The following STARD9 variants were observed in gnomAD, a reference collection of about 807,000 sequenced individuals.
STARD9 encodes the protein stAR-related lipid transfer protein 9.
In STARD9, 346 loss-of-function variants were observed where a neutral mutation model predicts 399.8. The ratio of observed to expected loss-of-function variants is 0.87; its 90% CI spans 0.79 to 0.95. The LOEUF (loss-of-function observed/expected upper bound fraction) is 0.95, where lower values mean the gene tolerates loss of function less well. Among genes scored for constraint, STARD9 ranks in the 40% least tolerant of loss-of-function variants. The probability of loss-of-function intolerance (pLI) is 0.00; values close to 1 mark genes in which losing one functional copy is unlikely to be tolerated. For synonymous variants in STARD9, 2,203 were observed against 2,143.5 expected (o/e 1.03, Z -0.77); for missense variants, 5,832 against 5,667.5 (o/e 1.03, Z -0.93).
At chr15:42,633,791 C>T (rs775817739) in intron 3 of STARD9, among the ~76,000 whole-genome samples, 1 of 151,678 alleles carries the variant, frequency 6.6e-6, no homozygotes, top group African/African-American at 2.4e-5. Context: ...TATAGGTGCC[C>T]GCCACCATGC....
chr15:42,682,477 T>A lies in STARD9; in HGVS notation c.2439T>A (p.Asp813Glu), dbSNP rs904674463. ...QEPPYQVLSP[D>E]ATVPRPPCRS... ...CCCCATACCAGGTCCTCAGCCCTGA[T>A]GCCACAGTCCCACGGCCTCCATGTA... The change falls in exon 22 of 33, where the codon GAT (aspartate) becomes GAA (glutamate). Residue 813 changes from aspartate (D) to glutamate (E), a missense_variant. Transcript: ENST00000290607. The A allele has an allele frequency of 1.3e-6, 2 of 1,537,218 alleles. No homozygotes were observed. Among genetic ancestry groups the A allele is most frequent in the Non-Finnish European group, 1.7e-6 (2 of 1,146,894 alleles).
rs552902335 is a variant in STARD9, at chr15:42,687,329, G to A, written c.5751G>A (p.Glu1917=). The A allele has an allele frequency of 2.5e-5, 39 of 1,536,752 alleles. No individual in the cohort carries two copies. In the African/African-American group the frequency reaches 4.8e-4, roughly 19 times the overall value. The change falls in exon 23 of 33, where the codon GAG becomes GAA. Residue 1917 remains glutamate, a synonymous_variant. Coordinates refer to ENST00000290607, the MANE Select transcript of STARD9 (RefSeq NM_020759.3). ...SLLFRESEAR[E]EEELDQNTVL... ...TCTTTCGTGAATCTGAGGCACGAGA[G>A]GAAGAAGAGCTGGATCAGAATACGG...
intron 3 of STARD9, among the ~76,000 whole-genome samples, chr15:42,598,161 A>T (rs922586106): frequency 2.6e-5 from 4 of 151,566 alleles, no homozygotes; most frequent in Non-Finnish European, 4.4e-5. Context: ...CCTCCTGGGT[A>T]GCTGGGACTA....
Position 42,663,270 on chromosome 15 carries a change from C to T in STARD9, c.869-11C>T, listed in dbSNP as rs1238378094. 4.6e-6 allele frequency: 7 copies of T among 1,506,968 alleles called. No homozygotes were observed. Among genetic ancestry groups the T allele is most frequent in the African/African-American group, 1.4e-5 (1 of 71,488 alleles). 93.3% of individuals were successfully genotyped at this position (1,506,968 alleles called of 1,614,324 possible). A position where few individuals can be genotyped will look rare whatever the true frequency, so the allele number is the denominator to read the frequency against. On this transcript the variant is annotated splice_polypyrimidine_tract_variant and intron_variant, in intron 11 of 32. Coordinates refer to ENST00000290607, the MANE Select transcript of STARD9 (RefSeq NM_020759.3). ...CCTTCTTTCTTCCATTTTCTTTTTT[C>T]ATCTTTTAAGCCCAGAACTCCCAAG...
In STARD9 at chr15:42,694,655, G is replaced by A; in HGVS notation, c.12892G>A (p.Asp4298Asn). Residue 4298 changes from aspartate (D) to asparagine (N), a missense_variant, in exon 24 of 33, where the codon GAT (aspartate) becomes AAT (asparagine). Transcript: ENST00000290607. The stretch of plus-strand genomic sequence containing the variant: ...GCCCAACAAAGATCTCTTCATCTGG[G>A]ATCTTGACTTGCCCAGCAGACGCCG... ...LLPNKDLFIW[D>N]LDLPSRRREY... 6.5e-7 allele frequency: 1 copy of A among 1,537,206 alleles called. No individual in the cohort carries two copies. Among genetic ancestry groups the A allele is most frequent in the Non-Finnish European group, 8.7e-7 (1 of 1,146,906 alleles).
At position 42,639,915 on chromosome 15, in the gene STARD9, G is replaced by C. The variant is rs146134970; in HGVS notation, c.559+1103G>C. ...TTTATGTTCCTGTAGCAGTATGCTAGTTTATTTTTTATTTTTATTTTTTTA... is the reference window on the plus strand; with the variant it reads ...TTTATGTTCCTGTAGCAGTATGCTACTTTATTTTTTATTTTTATTTTTTTA... On this transcript the variant is annotated intron_variant, in intron 7 of 32. Transcript: ENST00000290607. 9.0e-3 allele frequency among the ~76,000 whole-genome samples: 1,370 copies of C among 152,030 alleles called. 21 individuals are homozygous for C. Among genetic ancestry groups the C allele is most frequent in the African/African-American group, 0.031 (1,302 of 41,462 alleles).
intron 3 of STARD9, among the ~76,000 whole-genome samples, chr15:42,610,025 G>A (rs980829907): frequency 3.9e-5 from 6 of 152,058 alleles, no homozygotes; most frequent in African/African-American, 1.4e-4. Context: ...CGCAGGAGGT[G>A]GAGGTTGCAG....
intron 3 of STARD9, among the ~76,000 whole-genome samples, chr15:42,599,080 T>C (rs183580304): frequency 0.022 from 3,284 of 152,188 alleles, 134 homozygotes; most frequent in African/African-American, 0.076. Flanking sequence ...CCCACCACCA[T>C]GCCTGGCTAA....
intron 3 of STARD9, among the ~76,000 whole-genome samples, chr15:42,600,911 G>C (rs545599274): frequency 1.3e-5 from 2 of 148,464 alleles, no homozygotes; most frequent in African/African-American, 5.0e-5. Context: ...GGTGTTTCTC[G>C]GAGAGGGGGA....
In STARD9 at chr15:42,686,267, G is replaced by A. The variant is rs1207979179; in HGVS notation, c.4689G>A (p.Gln1563=). The A allele has an allele frequency of 2.6e-6, 4 of 1,537,580 alleles. No homozygotes were observed. Among genetic ancestry groups the A allele is most frequent in the Admixed American group, 2.0e-5 (1 of 50,982 alleles). The change falls in exon 23 of 33, where the codon CAG becomes CAA. Residue 1563 remains glutamine (Q), a synonymous_variant. Transcript: ENST00000290607. ...RIRRLRAEKE[Q]DSLNAKLEGV... is the part of the protein sequence containing the mutation. ...GGCGTTTGAGGGCAGAGAAAGAACAGGACAGTTTAAATGCCAAATTAGAAG... is the reference window on the plus strand; with the variant it reads ...GGCGTTTGAGGGCAGAGAAAGAACAAGACAGTTTAAATGCCAAATTAGAAG...
chr15:42,618,602 T>A (rs2059020180), intron 3 of STARD9, among the ~76,000 whole-genome samples: 2 of 151,942 alleles, frequency 1.3e-5, no homozygotes, highest in Admixed American at 6.6e-5. Context: ...TATTTTTATT[T>A]TTTATTTATT....
intron 8 of STARD9, 142 bp from the exon 9 acceptor site, chr15:42,652,378 A>G (rs2059779853): frequency 1.4e-6 from 1 of 702,260 alleles, no homozygotes; most frequent in African/African-American, 1.8e-5. Flanking sequence ...TATTCTCTTC[A>G]CGATACTGGA....
intron 26 of STARD9, among the ~76,000 whole-genome samples, chr15:42,710,969 CTT>C (rs1170742160): frequency 6.9e-6 from 1 of 144,482 alleles, no homozygotes. Flanking sequence ...ACATAGCCTT[CTT>C]TTTTTTTTTT....
At chr15:42,667,774 C>T (rs1001054537) in intron 15 of STARD9, among the ~76,000 whole-genome samples, 8 of 152,178 alleles carry the variant, frequency 5.3e-5, no homozygotes, top group African/African-American at 1.2e-4. Context: ...CCACCACACC[C>T]GGCAGACAGG....
At chr15:42,627,298 A>G (rs1279922339) in intron 3 of STARD9, among the ~76,000 whole-genome samples, 2 of 152,278 alleles carry the variant, frequency 1.3e-5, no homozygotes, top group South Asian at 2.1e-4. Flanking sequence ...CTTGTTTCAG[A>G]AAAAGAAAAA....
rs1302118921 is a variant in STARD9 at position 42,693,882 on chromosome 15, T to G, written c.12304T>G (p.Ser4102Ala). 1 of 1,533,696 alleles carries G rather than the reference T, an allele frequency of 6.5e-7. No homozygotes were observed. Among genetic ancestry groups the G allele is most frequent in the Non-Finnish European group, 8.7e-7 (1 of 1,144,616 alleles). The change falls in exon 23 of 33, where the codon TCT (serine) becomes GCT (alanine). Residue 4102 changes from serine (S) to alanine (A), a missense_variant. Physicochemically the swap from Ser to Ala is moderately conservative, Grantham distance 99. Transcript: ENST00000290607. ...GACTGATACTGCAGGGCTCCGAGGT[T>G]CTGCCTTGGGCCTCCCTCAGGCCTG... ...ELTDTAGLRG[S>A]ALGLPQACQP...
In STARD9 at chr15:42,684,898, A is replaced by G; in HGVS notation, c.3320A>G (p.Tyr1107Cys). 1 of 1,537,024 alleles carries G rather than the reference A, an allele frequency of 6.5e-7. No homozygotes were observed. Among genetic ancestry groups the G allele is most frequent in the Non-Finnish European group, 8.7e-7 (1 of 1,146,914 alleles). Residue 1107 changes from tyrosine (Y) to cysteine (C), a missense_variant, in exon 23 of 33, where the codon TAC becomes TGC. Coordinates refer to ENST00000290607, the MANE Select transcript of STARD9 (RefSeq NM_020759.3). ...DNDLSDTDSN[Y>C]SLDSLSCVYA... ...GATTTATCTGACACAGATAGCAACT[A>G]CTCATTGGATTCTCTCTCATGTGTC...
intron 26 of STARD9, among the ~76,000 whole-genome samples, chr15:42,711,004 C>G (rs1004607086): frequency 1.3e-5 from 2 of 150,984 alleles, no homozygotes; most frequent in African/African-American, 4.9e-5. Flanking sequence ...TTTTAAGAGA[C>G]AGGGTCTCTG....
chr15:42,597,990 GTATATA>G (rs777829762), intron 3 of STARD9, among the ~76,000 whole-genome samples: 1 of 129,328 alleles, frequency 7.7e-6, no homozygotes, highest in African/African-American at 3.1e-5. Context: ...GTGTGTGTTT[GTATATA>G]TATATGTGTG....
Sources: allele counts gnomAD v4.1 joint callset (sites outside exome capture counted in the v4.1 genomes callset), GRCh38; gene constraint gnomAD v4.1.1; transcripts MANE v1.5; gene names NCBI Gene and HGNC (gene_info 2026-07-23, HGNC 2026-07-21).